Variants in BTAF1 observed in about 807,000 individuals in gnomAD.
BTAF1 encodes the protein B-TFIID TATA-box binding protein associated factor 1, also known as TATA-binding protein-associated factor 172.
Under a neutral mutation model 227.1 loss-of-function variants are expected in BTAF1, and 38 were observed. The ratio of observed to expected loss-of-function variants is 0.17; its 90% confidence interval spans 0.13 to 0.22. The LOEUF (loss-of-function observed/expected upper bound fraction) is 0.22, where lower values mean the gene tolerates loss of function less well. Ranked by LOEUF, BTAF1 falls within the 10% of genes least tolerant of loss-of-function variation. The probability of loss-of-function intolerance (pLI) is 1.00; values close to 1 mark genes in which losing one functional copy is unlikely to be tolerated. For synonymous variants in BTAF1, 742 were observed against 751.9 expected (o/e 0.99, Z 0.21); for missense variants, 1,598 against 2,204.0 (o/e 0.73, Z 5.51).
At chr10:91,979,697 A>G (rs968124823) in intron 14 of BTAF1, among the ~76,000 whole-genome samples, 1 of 152,154 alleles carries the variant, frequency 6.6e-6, no homozygotes, top group African/African-American at 2.4e-5. Context: ...TTGAATAGCA[A>G]TAGACAGTTT....
At chr10:91,990,725 G>A (rs766716353) in intron 20 of BTAF1, among the ~76,000 whole-genome samples, 1 of 151,620 alleles carries the variant, frequency 6.6e-6, no homozygotes, top group Non-Finnish European at 1.5e-5. Context: ...CCTGGGAGGC[G>A]GAGGTTGCGG....
chr10:92,008,527 T>G (rs112633557), intron 26 of BTAF1, among the ~76,000 whole-genome samples: 1 of 151,056 alleles, frequency 6.6e-6, no homozygotes, highest in Non-Finnish European at 1.5e-5. Flanking sequence ...TTTTTTTTTT[T>G]GGTAGAGGCA....
At chr10:92,023,685 A>C (rs994168374) in intron 34 of BTAF1, among the ~76,000 whole-genome samples, 13 of 151,142 alleles carry the variant, frequency 8.6e-5, no homozygotes, top group Non-Finnish European at 1.9e-4. Context: ...CTCTGTCTCT[A>C]AAAAAAAAGA....
intron 25 of BTAF1, among the ~76,000 whole-genome samples, chr10:92,003,503 T>G (rs1400889423): frequency 2.0e-5 from 3 of 152,228 alleles, no homozygotes; most frequent in East Asian, 1.9e-4. Context: ...ATCACATATT[T>G]GTCTTTCTGT....
intron 1 of BTAF1, among the ~76,000 whole-genome samples, chr10:91,926,680 G>A (rs1472406935): frequency 6.6e-6 from 1 of 152,144 alleles, no homozygotes; most frequent in Admixed American, 6.5e-5. Flanking sequence ...CTTGAACATT[G>A]TATCACCTGA....
chr10:91,929,059 G>A (rs1417000906), intron 1 of BTAF1, among the ~76,000 whole-genome samples: 2 of 152,074 alleles, frequency 1.3e-5, no homozygotes, highest in African/African-American at 2.4e-5. Context: ...AGTGATCCAC[G>A]TGGCTTTGCC....
At chr10:92,001,640 G>A (rs1589932302) in intron 25 of BTAF1, among the ~76,000 whole-genome samples, 1 of 151,804 alleles carries the variant, frequency 6.6e-6, no homozygotes, top group African/African-American at 2.4e-5. Context: ...AGAAAAAAAA[G>A]CCTCAACATA....
rs775093853 is a variant in BTAF1 at position 91,996,515 on chromosome 10, G to T, written c.3456G>T (p.Trp1152Cys). The change falls in exon 24 of 38, where the codon TGG becomes TGT. Residue 1152 changes from tryptophan (W) to cysteine (C), a missense_variant. Trp to Cys is a radical substitution (Grantham distance 215, BLOSUM62 -2). Coordinates refer to ENST00000265990, the MANE Select transcript of BTAF1 (RefSeq NM_003972.3). The part of the protein sequence containing the change: ...MNIFLEKVLP[W>C]LGAIDDSVKQ... ...TTTTTTTGGAGAAGGTTCTTCCGTG[G>T]CTGGGAGCAATTGATGACAGTGTCA... 51 of 1,614,000 alleles carry T rather than the reference G, an allele frequency of 3.2e-5. No homozygotes were observed. The highest frequency in any genetic ancestry group is 4.2e-5 in the Non-Finnish European group (50 of 1,180,024).
chr10:91,971,476 T>C (rs1214891227), intron 14 of BTAF1, among the ~76,000 whole-genome samples: 1 of 150,616 alleles, frequency 6.6e-6, no homozygotes, highest in Non-Finnish European at 1.5e-5. Context: ...AAACTTTTTT[T>C]TTTTTTTTTT....
chr10:91,991,045 G>A (rs1312999406), intron 20 of BTAF1, among the ~76,000 whole-genome samples: 2 of 151,530 alleles, frequency 1.3e-5, no homozygotes, highest in Non-Finnish European at 2.9e-5. Flanking sequence ...AGAAGTTCGA[G>A]ACCATCCTGA....
intron 20 of BTAF1, among the ~76,000 whole-genome samples, chr10:91,991,789 G>GTATATA (rs1848781713): frequency 1.3e-5 from 1 of 77,840 alleles, no homozygotes; most frequent in African/African-American, 7.3e-5. Flanking sequence ...GTGTGTGTGT[G>GTATATA]TGTGTGTGTA....
Position 92,024,833 on chromosome 10 carries a change from A to G in BTAF1, c.4941A>G (p.Ile1647Met). Residue 1647 changes from isoleucine (I) to methionine (M), a missense_variant, in exon 35 of 38, where the codon ATA (isoleucine) becomes ATG (methionine). Ile to Met is a conservative substitution (Grantham distance 10, BLOSUM62 1). Around this residue, in one of 10 missense-constraint regions of BTAF1, gnomAD observed 205 missense variants for 244.5 expected, o/e 0.84. Transcript: ENST00000265990. Reference protein sequence around the residue: ...GTESVVAQHRILIFCQLKSML... With the variant: ...GTESVVAQHRMLIFCQLKSML... ...AGTCTGTTGTGGCCCAGCACAGGAT[A>G]CTGATATTCTGTCAGCTGAAAAGCA... 6.2e-7 allele frequency: 1 copy of G among 1,613,414 alleles called. No individual in the cohort carries two copies. Among genetic ancestry groups the G allele is most frequent in the Non-Finnish European group, 8.5e-7 (1 of 1,179,934 alleles).
intron 1 of BTAF1, among the ~76,000 whole-genome samples, chr10:91,932,502 G>A (rs1424245659): frequency 1.3e-5 from 2 of 152,132 alleles, no homozygotes; most frequent in Non-Finnish European, 2.9e-5. Context: ...TATAGTTTTA[G>A]TTACAGTAAA....
At chr10:91,962,391 T>C in intron 11 of BTAF1, 147 bp from the exon 12 acceptor site, 2 of 557,704 alleles carry the variant, frequency 3.6e-6, no homozygotes, top group Non-Finnish European at 6.3e-6. Flanking sequence ...TTGCCTGATG[T>C]ATTTCTCAGA....
At chr10:91,940,826 A>T (rs1844943065) in intron 3 of BTAF1, among the ~76,000 whole-genome samples, 2 of 151,948 alleles carry the variant, frequency 1.3e-5, no homozygotes, top group South Asian at 4.1e-4. Context: ...CTGCGATTAC[A>T]GTTGTGCACC....
At chr10:91,989,635 TG>T in intron 20 of BTAF1, 55 bp downstream of exon 20, 1 of 1,455,832 alleles carries the variant, frequency 6.9e-7, no homozygotes, top group Non-Finnish European at 9.2e-7. Flanking sequence ...AATTTGTTTT[TG>T]TTTACTTATG....
In BTAF1 at chr10:91,923,971, C is replaced by G; in HGVS notation, c.-106C>G. The G allele has an allele frequency of 7.1e-7, 1 of 1,416,106 alleles. No individual in the cohort carries two copies. The highest frequency in any genetic ancestry group is 9.3e-7 in the Non-Finnish European group (1 of 1,070,588). The allele number at this position is 1,416,106 out of a possible 1,614,324, so 87.7% of individuals were successfully genotyped here. On this transcript the variant is annotated 5_prime_UTR_variant, in exon 1 of 38. Coordinates refer to ENST00000265990, the MANE Select transcript of BTAF1 (RefSeq NM_003972.3). ...CGCCCCACGCCGCACCGGCCGCTCC[C>G]CTGTGCTCCGCGGCCTGGGCCTGCG...
intron 1 of BTAF1, among the ~76,000 whole-genome samples, chr10:91,927,886 A>G (rs1479265349): frequency 1.3e-5 from 2 of 151,774 alleles, no homozygotes; most frequent in South Asian, 2.1e-4. Flanking sequence ...CTCTACTCCT[A>G]CATTTGTAGG....
chr10:91,930,552 A>T (rs946782418), intron 1 of BTAF1, among the ~76,000 whole-genome samples: 2 of 152,112 alleles, frequency 1.3e-5, no homozygotes, highest in African/African-American at 4.8e-5. Context: ...TGATATCTTT[A>T]TGTTTAAAAC....
Sources: allele counts gnomAD v4.1 joint callset (sites outside exome capture counted in the v4.1 genomes callset), GRCh38; gene constraint gnomAD v4.1.1; regional missense constraint gnomAD v4.1.1; transcripts MANE v1.5; gene names NCBI Gene and HGNC (gene_info 2026-07-23, HGNC 2026-07-21).